Variants in EPHA6 observed in about 807,000 individuals in gnomAD.
EPHA6 encodes the protein ephrin type-A receptor 6.
A neutral mutation model predicts 112.0 loss-of-function variants in EPHA6; 50 were observed. The ratio of observed to expected loss-of-function variants is 0.45; its 90% confidence interval spans 0.36 to 0.56. EPHA6 has a LOEUF of 0.56. EPHA6 is among the 20% of genes least tolerant of loss of function. EPHA6 has a pLI of 0.00. For missense variants in EPHA6, 1,280 were observed against 1,417.4 expected (o/e 0.90, Z 1.56); for synonymous variants, 529 against 490.7 (o/e 1.08, Z -1.03).
At chr3:97,472,733 T>G (rs995994399) in intron 7 of EPHA6, among the ~76,000 whole-genome samples, 1 of 151,834 alleles carries the variant, frequency 6.6e-6, no homozygotes, top group African/African-American at 2.4e-5. Flanking sequence ...TCTGAAAGAT[T>G]GTGACAAGAA....
At chr3:97,100,945 T>C (rs191435907) in intron 3 of EPHA6, among the ~76,000 whole-genome samples, 39 of 152,136 alleles carry the variant, frequency 2.6e-4, no homozygotes, top group Admixed American at 9.2e-4. Context: ...ACAGCATCTC[T>C]ATTACAGAAT....
At chr3:97,310,055 G>T (rs1453173390) in intron 5 of EPHA6, among the ~76,000 whole-genome samples, 1 of 151,326 alleles carries the variant, frequency 6.6e-6, no homozygotes, top group Non-Finnish European at 1.5e-5. Flanking sequence ...TTAGAAAACA[G>T]GTTGATTATA....
intron 10 of EPHA6, among the ~76,000 whole-genome samples, chr3:97,486,902 A>G (rs577707927): frequency 7.2e-5 from 11 of 152,318 alleles, no homozygotes; most frequent in Non-Finnish European, 1.6e-4. Context: ...TTGTAACTAT[A>G]AATATTTTCT....
intron 11 of EPHA6, among the ~76,000 whole-genome samples, chr3:97,558,030 C>T (rs1312884830): frequency 6.6e-6 from 1 of 151,898 alleles, no homozygotes; most frequent in African/African-American, 2.4e-5. Flanking sequence ...ATGGAGGGTT[C>T]CCTAAGCACA....
chr3:97,607,352 T>C (rs190628428), intron 12 of EPHA6, among the ~76,000 whole-genome samples: 3 of 151,272 alleles, frequency 2.0e-5, no homozygotes, highest in African/African-American at 7.2e-5. Context: ...TCATCATAAG[T>C]ATTAGGGAAC....
chr3:97,410,817 C>T (rs1474731562), intron 6 of EPHA6, among the ~76,000 whole-genome samples: 7 of 152,068 alleles, frequency 4.6e-5, no homozygotes, highest in African/African-American at 1.7e-4. Flanking sequence ...CTCATTTAAT[C>T]GAGTGTTGAT....
intron 3 of EPHA6, among the ~76,000 whole-genome samples, chr3:97,187,688 G>A (rs12494153): frequency 0.043 from 4,673 of 107,846 alleles, 120 homozygotes; most frequent in Middle Eastern, 0.067. Flanking sequence ...AAAGAAAGAA[G>A]GAAAGAAAGA....
intron 15 of EPHA6, among the ~76,000 whole-genome samples, chr3:97,723,720 A>G (rs2034631625): frequency 6.6e-6 from 1 of 152,066 alleles, no homozygotes; most frequent in South Asian, 2.1e-4. Flanking sequence ...AAAAACCCAA[A>G]CCTTGAGGTC....
chr3:97,520,232 G>C (rs972145962), intron 10 of EPHA6, among the ~76,000 whole-genome samples: 1 of 152,120 alleles, frequency 6.6e-6, no homozygotes, highest in African/African-American at 2.4e-5. Context: ...CTCCCAAAGT[G>C]CTGGGATTAC....
At chr3:97,723,811 TAAAG>T (rs1160916569) in intron 15 of EPHA6, among the ~76,000 whole-genome samples, 1 of 152,186 alleles carries the variant, frequency 6.6e-6, no homozygotes, top group Non-Finnish European at 1.5e-5. Flanking sequence ...GCTGCTGCAG[TAAAG>T]AGAGTTGAAA....
chr3:97,604,595 C>T (rs1275496401), intron 12 of EPHA6, among the ~76,000 whole-genome samples: 1 of 151,602 alleles, frequency 6.6e-6, no homozygotes, highest in African/African-American at 2.4e-5. Flanking sequence ...TGGACATCAA[C>T]ATTTTAGTGA....
intron 5 of EPHA6, among the ~76,000 whole-genome samples, chr3:97,373,595 G>A (rs2085188131): frequency 6.6e-6 from 1 of 152,044 alleles, no homozygotes; most frequent in South Asian, 2.1e-4. Flanking sequence ...GAATTCATCA[G>A]CCATAAAGTC....
intron 7 of EPHA6, among the ~76,000 whole-genome samples, chr3:97,449,419 T>C (rs908593768): frequency 6.6e-6 from 1 of 152,124 alleles, no homozygotes; most frequent in African/African-American, 2.4e-5. Context: ...TGGTCAAATA[T>C]ATAAGAAAAA....
intron 1 of EPHA6, among the ~76,000 whole-genome samples, chr3:96,856,743 A>AACGTTCCC (rs1163893290): frequency 1.3e-5 from 2 of 152,098 alleles, no homozygotes; most frequent in Non-Finnish European, 2.9e-5. Flanking sequence ...TAAAAAGTAA[A>AACGTTCCC]ACAGGGTCAC....
At chr3:97,704,978 A>C (rs375275470) in intron 14 of EPHA6, among the ~76,000 whole-genome samples, 2 of 152,180 alleles carry the variant, frequency 1.3e-5, no homozygotes, top group East Asian at 3.9e-4. Flanking sequence ...AGCAATCCAC[A>C]GAGCAGCCAA....
rs373275324 is a variant in EPHA6, at chr3:97,394,363, A to G, written c.1607-10787A>G. Among the ~76,000 whole-genome samples, 75 of 152,010 alleles carry G rather than the reference A, an allele frequency of 4.9e-4. 1 individual carries two copies. Among genetic ancestry groups the G allele is most frequent in the African/African-American group, 1.5e-3 (63 of 41,540 alleles). On this transcript the variant is annotated intron_variant, in intron 5 of 17. Coordinates refer to ENST00000389672, the MANE Select transcript of EPHA6 (RefSeq NM_001080448.3). ...AACACTTCAAGACATTGGTCTAGGA[A>G]AGGAATTTTTGGATAACACTGCAAA...
At chr3:97,550,840 T>C (rs1291802564) in intron 11 of EPHA6, among the ~76,000 whole-genome samples, 1 of 150,384 alleles carries the variant, frequency 6.6e-6, no homozygotes, top group Non-Finnish European at 1.5e-5. Flanking sequence ...AGTAAGTACA[T>C]ATAGATGAAG....
chr3:97,115,095 A>T (rs1037218007), intron 3 of EPHA6, among the ~76,000 whole-genome samples: 1 of 151,996 alleles, frequency 6.6e-6, no homozygotes, highest in African/African-American at 2.4e-5. Context: ...TAGGACAAAA[A>T]TGTAAGTCAG....
chr3:97,496,182 A>C (rs561322068), intron 10 of EPHA6, among the ~76,000 whole-genome samples: 1 of 152,256 alleles, frequency 6.6e-6, no homozygotes, highest in East Asian at 1.9e-4. Flanking sequence ...TGGACTTTCC[A>C]TGTGGTCTAA....
Sources: gnomAD v4.1 joint callset for allele counts (sites outside exome capture counted in the v4.1 genomes callset) on GRCh38, gnomAD v4.1.1 for gene constraint, MANE v1.5 for transcripts, NCBI Gene and HGNC (gene_info 2026-07-23, HGNC 2026-07-21) for gene names.